Variants in SMAD2 observed in about 807,000 individuals in gnomAD.
The protein encoded by SMAD2 is MAD homolog 2.
Under a neutral mutation model 64.4 loss-of-function variants are expected in SMAD2, and 8 were observed. The observed-to-expected ratio is 0.12, with a 90% CI of 0.07 to 0.22. The LOEUF (loss-of-function observed/expected upper bound fraction) is 0.22. Ranked by LOEUF, SMAD2 falls within the 10% of genes least tolerant of loss-of-function variation. The pLI, the probability that SMAD2 is intolerant of heterozygous loss-of-function variation, is 1.00. For synonymous variants in SMAD2, 203 were observed against 195.8 expected (o/e 1.04, Z -0.31); for missense variants, 289 against 561.2 (o/e 0.51, Z 4.90).
At chr18:47,850,214 ATATAT>A (rs1914993613) in intron 7 of SMAD2, among the ~76,000 whole-genome samples, 1 of 80,064 alleles carries the variant, frequency 1.2e-5, no homozygotes, top group African/African-American at 5.0e-5. Flanking sequence ...ATATTATTAT[ATATAT>A]GTATAATATA....
At position 47,878,651 on chromosome 18, in the gene SMAD2, T is replaced by C. The variant is rs377148225; in HGVS notation, c.237-8087A>G. Among the ~76,000 whole-genome samples the C allele has an allele frequency of 3.1e-4, 47 of 152,008 alleles. 1 individual carries two copies. In the East Asian group the frequency reaches 8.9e-3, roughly 29 times the overall value. On this transcript the variant is annotated intron_variant, in intron 2 of 10. Transcript: ENST00000262160. ...TAAAAAACAAAACAAAACGAAAGAATCAAGCAAACTTTTGGAGAGGAATAT... is the reference window on the plus strand; with the variant it reads ...TAAAAAACAAAACAAAACGAAAGAACCAAGCAAACTTTTGGAGAGGAATAT...
At position 47,821,432 on chromosome 18, in the gene SMAD2, G is replaced by T. The variant is rs1041707327; in HGVS notation, c.*20395C>A. The T allele has an allele frequency of 4.6e-5, 7 of 152,206 alleles. No homozygotes were observed. The highest frequency in any genetic ancestry group is 1.7e-4 in the African/African-American group (7 of 41,444). 9.4% of individuals were successfully genotyped at this position (152,206 alleles called of 1,614,324 possible). A position where few individuals can be genotyped will look rare whatever the true frequency, so the allele number is the denominator to read the frequency against. On this transcript the variant is annotated 3_prime_UTR_variant, in exon 11 of 11. Coordinates refer to ENST00000262160, the MANE Select transcript of SMAD2 (RefSeq NM_005901.6). ...GCAATGTTTTCCTCCAGTATAACTT[G>T]ATTCTGAATTCTTGGCTCTTCTCAT...
rs538117662 is a variant in SMAD2 at position 47,820,218 on chromosome 18, A to T, written c.*21609T>A. 2.0e-5 allele frequency: 3 copies of T among 152,332 alleles called. No homozygotes were observed. In the East Asian group the frequency reaches 5.8e-4, roughly 29 times the overall value. 9.4% of individuals were successfully genotyped at this position (152,332 alleles called of 1,614,324 possible). A position where few individuals can be genotyped will look rare whatever the true frequency, so the allele number is the denominator to read the frequency against. On this transcript the variant is annotated 3_prime_UTR_variant, in exon 11 of 11. Coordinates refer to ENST00000262160, the MANE Select transcript of SMAD2 (RefSeq NM_005901.6). ...GGGCCTATTAATATACAAAGTTATAAGGAAACATGTTTCTAAAAATTATAA... is the reference window on the plus strand; with the variant it reads ...GGGCCTATTAATATACAAAGTTATATGGAAACATGTTTCTAAAAATTATAA...
rs763449952 is a variant in SMAD2, at chr18:47,896,504, G to T, written c.236+17C>A. 2 of 1,613,010 alleles carry T rather than the reference G, an allele frequency of 1.2e-6. No individual in the cohort carries two copies. The highest frequency in any genetic ancestry group is 1.3e-5 in the African/African-American group (1 of 74,860). On this transcript the variant is annotated intron_variant, in intron 2 of 10. Transcript: ENST00000262160. ...CTTGACATAATTTGATCAAACCTGG[G>T]ATCTAACAAAACTTACCTTGGTATG...
chr18:47,855,855 C>A (rs2030628375), intron 6 of SMAD2, among the ~76,000 whole-genome samples: 1 of 152,146 alleles, frequency 6.6e-6, no homozygotes, highest in African/African-American at 2.4e-5. Context: ...GGCCTGCAAA[C>A]TTTCTGCTGA....
At chr18:47,884,296 C>A (rs763927462) in intron 2 of SMAD2, among the ~76,000 whole-genome samples, 1 of 152,148 alleles carries the variant, frequency 6.6e-6, no homozygotes, top group African/African-American at 2.4e-5. Context: ...AGCTCTTACA[C>A]ATATTAAACC....
At chr18:47,858,894 T>C (rs1462736523) in intron 6 of SMAD2, among the ~76,000 whole-genome samples, 1 of 151,918 alleles carries the variant, frequency 6.6e-6, no homozygotes, top group South Asian at 2.1e-4. Flanking sequence ...AATTGCAAAA[T>C]GGTAGCCTAA....
At chr18:47,845,278 C>T (rs773889185) in intron 10 of SMAD2, 62 bp downstream of exon 10, 3 of 1,436,984 alleles carry the variant, frequency 2.1e-6, no homozygotes, top group Middle Eastern at 1.7e-4. Context: ...CCAGAATATG[C>T]AAGAATGCAA....
intron 6 of SMAD2, among the ~76,000 whole-genome samples, chr18:47,855,183 T>C (rs982127878): frequency 7.9e-5 from 12 of 152,336 alleles, no homozygotes; most frequent in African/African-American, 2.6e-4. Context: ...TCATCAACAC[T>C]GTAACGAAAT....
chr18:47,885,658 C>T (rs1224338206), intron 2 of SMAD2, among the ~76,000 whole-genome samples: 6 of 151,996 alleles, frequency 3.9e-5, no homozygotes, highest in African/African-American at 7.2e-5. Flanking sequence ...GATAAAATAA[C>T]AATACAACAA....
At chr18:47,879,495 C>CGTGTGTGTGTGTGTGTGTGTGTGTGT (rs58440360) in intron 2 of SMAD2, among the ~76,000 whole-genome samples, 15 of 141,444 alleles carry the variant, frequency 1.1e-4, no homozygotes, top group Admixed American at 5.0e-4. Context: ...ATGTATATGA[C>CGTGTGTGTGTGTGTGTGTGTGTGTGT]GTGTGTGTGT....
At position 47,845,250 on chromosome 18, in the gene SMAD2, A is replaced by C. The variant is rs757628951; in HGVS notation, c.1280+90T>G. 8 of 1,301,310 alleles carry C rather than the reference A, an allele frequency of 6.1e-6. No homozygotes were observed. The African/African-American group carries it at 1.0e-4, about 17-fold the overall frequency. 80.6% of individuals were successfully genotyped at this position (1,301,310 alleles called of 1,614,324 possible). On this transcript the variant is annotated intron_variant, in intron 10 of 10. Transcript: ENST00000262160. ...CAGCTGACTCTATAACCTCATTGAA[A>C]ATAGATACAAATGAACTCCAGAATA...
In SMAD2 at chr18:47,816,565, C is replaced by T. The variant is rs1163073861; in HGVS notation, c.*25262G>A. The T allele has an allele frequency of 1.3e-5, 2 of 152,188 alleles. No homozygotes were observed. Among genetic ancestry groups the T allele is most frequent in the Non-Finnish European group, 2.9e-5 (2 of 68,022 alleles). The allele number at this position is 152,188 out of a possible 1,614,324, so 9.4% of individuals were successfully genotyped here. On this transcript the variant is annotated 3_prime_UTR_variant, in exon 11 of 11. Transcript: ENST00000262160. ...AAAGCAGCTTGTGTTACAAAAACTG[C>T]AACCTTTCACAAAGGTTACCCACAA...
In SMAD2 at chr18:47,839,012, G is replaced by A. The variant is rs1190123722; in HGVS notation, c.*2815C>T. ...TGAAAACCACACCTATAAATGGGGG[G>A]AGGGGCAGAAAACAAAAAAAAAATC... On this transcript the variant is annotated 3_prime_UTR_variant, in exon 11 of 11. Transcript: ENST00000262160. The A allele has an allele frequency of 1.0e-5, 2 of 193,254 alleles. No individual in the cohort carries two copies. The highest frequency in any genetic ancestry group is 5.9e-5 in the African/African-American group (2 of 33,892). The allele number at this position is 193,254 out of a possible 1,614,324, so 12.0% of individuals were successfully genotyped here. A position where few individuals can be genotyped will look rare whatever the true frequency, so the allele number is the denominator to read the frequency against.
intron 6 of SMAD2, among the ~76,000 whole-genome samples, chr18:47,858,780 G>T (rs2030931453): frequency 6.6e-6 from 1 of 151,976 alleles, no homozygotes; most frequent in Non-Finnish European, 1.5e-5. Context: ...AAGTGTTACT[G>T]GTAAAAGGCC....
intron 1 of SMAD2, among the ~76,000 whole-genome samples, chr18:47,921,872 T>G (rs2034574646): frequency 6.6e-6 from 1 of 152,252 alleles, no homozygotes. Flanking sequence ...CATTTTCATC[T>G]GTTTACAGTA....
chr18:47,860,732 T>C (rs1050952354), intron 6 of SMAD2, among the ~76,000 whole-genome samples: 2 of 152,008 alleles, frequency 1.3e-5, no homozygotes, highest in Non-Finnish European at 2.9e-5. Flanking sequence ...CTCATAAACA[T>C]AGATGGAAAA....
At chr18:47,867,853 T>C (rs141289445) in intron 5 of SMAD2, among the ~76,000 whole-genome samples, 1 of 152,136 alleles carries the variant, frequency 6.6e-6, no homozygotes, top group African/African-American at 2.4e-5. Flanking sequence ...TATGTAAGTG[T>C]TGCTATGTCT....
chr18:47,910,190 G>GAA, intron 1 of SMAD2, among the ~76,000 whole-genome samples: 1 of 151,516 alleles, frequency 6.6e-6, no homozygotes, highest in Non-Finnish European at 1.5e-5. Context: ...AAAAAAAAGT[G>GAA]GGGAGTGAAG....
Sources: gnomAD v4.1 joint callset for allele counts (sites outside exome capture counted in the v4.1 genomes callset) on GRCh38, gnomAD v4.1.1 for gene constraint, MANE v1.5 for transcripts, NCBI Gene and HGNC (gene_info 2026-07-23, HGNC 2026-07-21) for gene names.